Variants in PPP1R13B observed in about 807,000 individuals in gnomAD.
PPP1R13B encodes apoptosis-stimulating of p53 protein 1.
PPP1R13B carries 44 observed loss-of-function variants against 119.8 expected under a neutral mutation model. The observed-to-expected ratio is 0.37, with a 90% CI of 0.29 to 0.47. The LOEUF is 0.47. PPP1R13B is among the 20% of genes least tolerant of loss of function. The probability of loss-of-function intolerance (pLI) is 0.99; values close to 1 mark genes in which losing one functional copy is unlikely to be tolerated. For missense variants in PPP1R13B, 1,227 were observed against 1,413.5 expected, an observed-to-expected ratio of 0.87 and a Z score of 2.12; for synonymous variants, 542 against 561.5, an observed-to-expected ratio of 0.97 and a Z score of 0.49.
Position 103,739,856 on chromosome 14 carries a change from G to A in PPP1R13B, c.2560C>T (p.Pro854Ser). ...GTGGCAGGAGGGTGGCTGGCAGGGG[G>A]AAGAGGTGCTGGAGGGACCTGCTCT... ...GEEQVPPAPLPPASHPPATST... is the reference protein window; with the variant it reads ...GEEQVPPAPLSPASHPPATST... The change falls in exon 12 of 17, where the codon CCC (proline) becomes TCC (serine). Residue 854 changes from proline to serine, a missense_variant. Coordinates refer to ENST00000202556, the MANE Select transcript of PPP1R13B (RefSeq NM_015316.3). The A allele has an allele frequency of 6.2e-7, 1 of 1,611,980 alleles. No individual in the cohort carries two copies. The highest frequency in any genetic ancestry group is 8.5e-7 in the Non-Finnish European group (1 of 1,178,652).
chr14:103,768,777 G>A (rs1470564001), intron 4 of PPP1R13B, among the ~76,000 whole-genome samples: 1 of 152,078 alleles, frequency 6.6e-6, no homozygotes, highest in Non-Finnish European at 1.5e-5. Flanking sequence ...CACCATGCTG[G>A]CCAGGCTGGT....
At chr14:103,828,000 A>T (rs1156337592) in intron 1 of PPP1R13B, among the ~76,000 whole-genome samples, 1 of 152,138 alleles carries the variant, frequency 6.6e-6, no homozygotes, top group Non-Finnish European at 1.5e-5. Flanking sequence ...TCAATTCCAG[A>T]GGCAAATAAC....
At chr14:103,779,081 A>T (rs1263334359) in intron 3 of PPP1R13B, among the ~76,000 whole-genome samples, 1 of 152,134 alleles carries the variant, frequency 6.6e-6, no homozygotes, top group Non-Finnish European at 1.5e-5. Context: ...TGAGCCCATG[A>T]GTTCTAGACC....
intron 2 of PPP1R13B, among the ~76,000 whole-genome samples, chr14:103,788,774 G>C (rs1452735434): frequency 6.6e-6 from 1 of 152,020 alleles, no homozygotes; most frequent in Non-Finnish European, 1.5e-5. Context: ...ATGAGATATT[G>C]TAACTGAAAA....
chr14:103,828,329 A>T (rs2086596843), intron 1 of PPP1R13B, among the ~76,000 whole-genome samples: 1 of 146,654 alleles, frequency 6.8e-6, no homozygotes, highest in African/African-American at 2.5e-5. Flanking sequence ...AGATCACACC[A>T]CTGCTCTCCA....
chr14:103,797,303 C>T (rs2085782393), intron 2 of PPP1R13B, 68 bp downstream of exon 2: 2 of 1,454,670 alleles, frequency 1.4e-6, no homozygotes, highest in Admixed American at 4.7e-5. Flanking sequence ...AAATCCAGCA[C>T]AAGCTTAGCT....
At chr14:103,842,432 A>G (rs2086931269) in intron 1 of PPP1R13B, among the ~76,000 whole-genome samples, 1 of 150,794 alleles carries the variant, frequency 6.6e-6, no homozygotes, top group East Asian at 2.0e-4. Context: ...TCTCCTGAGT[A>G]GCTGGGACTA....
intron 2 of PPP1R13B, among the ~76,000 whole-genome samples, chr14:103,788,455 G>C (rs1340120537): frequency 6.6e-6 from 1 of 152,138 alleles, no homozygotes; most frequent in Non-Finnish European, 1.5e-5. Context: ...AAAGAACAAA[G>C]ATTGATACGG....
At chr14:103,805,534 G>C (rs528546704) in intron 1 of PPP1R13B, among the ~76,000 whole-genome samples, 10 of 151,980 alleles carry the variant, frequency 6.6e-5, no homozygotes, top group Admixed American at 5.9e-4. Flanking sequence ...TCATGCCACT[G>C]CACTCCAGCT....
At chr14:103,828,881 C>T (rs993872818) in intron 1 of PPP1R13B, among the ~76,000 whole-genome samples, 2 of 152,196 alleles carry the variant, frequency 1.3e-5, no homozygotes. Context: ...TGTTTCCAGC[C>T]ATGCGTCTTC....
At chr14:103,766,891 C>T (rs574759701) in intron 4 of PPP1R13B, among the ~76,000 whole-genome samples, 13 of 152,224 alleles carry the variant, frequency 8.5e-5, no homozygotes, top group Admixed American at 5.9e-4. Context: ...TCACATAGTT[C>T]GAACTAATGG....
At chr14:103,760,416 C>T (rs2084776719) in intron 4 of PPP1R13B, among the ~76,000 whole-genome samples, 1 of 152,204 alleles carries the variant, frequency 6.6e-6, no homozygotes, top group Admixed American at 6.5e-5. Flanking sequence ...TCAGGCAATT[C>T]AAGGTCCCTA....
At position 103,749,938 on chromosome 14, in the gene PPP1R13B, C is replaced by T; in HGVS notation, c.829-4G>A. The stretch of plus-strand genomic sequence containing the variant: ...CCTGGTTAAGTTGGTTACGAATCTA[C>T]AAACCACAAAATACAACCTTTATGA... On this transcript the variant is annotated splice_region_variant and splice_polypyrimidine_tract_variant and intron_variant, in intron 7 of 16. Coordinates refer to ENST00000202556, the MANE Select transcript of PPP1R13B (RefSeq NM_015316.3). 1.2e-6 allele frequency: 2 copies of T among 1,612,164 alleles called. No individual in the cohort carries two copies. Among genetic ancestry groups the T allele is most frequent in the Non-Finnish European group, 1.7e-6 (2 of 1,179,540 alleles).
intron 1 of PPP1R13B, among the ~76,000 whole-genome samples, chr14:103,825,993 C>T (rs1379309391): frequency 6.6e-6 from 1 of 151,944 alleles, no homozygotes; most frequent in Non-Finnish European, 1.5e-5. Context: ...TACAGGTGCC[C>T]ACCACCAGGC....
In PPP1R13B at chr14:103,754,278, T is replaced by C. The variant is rs753636023; in HGVS notation, c.457-34A>G. The C allele has an allele frequency of 1.1e-5, 17 of 1,592,140 alleles. No homozygotes were observed. In the South Asian group the frequency reaches 1.6e-4, roughly 15 times the overall value. ...AGAAAGAAAAATGTAACTTTGAAAA[T>C]TGAAGGCTGGGCGCGGTGGCTCACA... On this transcript the variant is annotated intron_variant, in intron 5 of 16. Transcript: ENST00000202556.
intron 1 of PPP1R13B, among the ~76,000 whole-genome samples, chr14:103,829,049 C>A (rs960150483): frequency 6.6e-6 from 1 of 151,868 alleles, no homozygotes; most frequent in African/African-American, 2.4e-5. Context: ...ATACTGACTG[C>A]AAAAAAAGAT....
chr14:103,818,355 T>C (rs1353901329), intron 1 of PPP1R13B: 1 of 425,030 alleles, frequency 2.4e-6, no homozygotes, highest in East Asian at 1.6e-4. Flanking sequence ...TTGAAGACAC[T>C]ACTGATTAAA....
chr14:103,775,748 T>C (rs1483199440), intron 4 of PPP1R13B, among the ~76,000 whole-genome samples: 1 of 152,140 alleles, frequency 6.6e-6, no homozygotes. Context: ...CTACCAGTGG[T>C]GTGTGTGCGT....
upstream of PPP1R13B, chr14:103,847,585 C>T: frequency 1.0e-6 from 1 of 986,780 alleles, no homozygotes; most frequent in Non-Finnish European, 1.2e-6. Context: ...TGCGGCCCGC[C>T]CGCCCGGCTC....
Sources: allele counts gnomAD v4.1 joint callset (sites outside exome capture counted in the v4.1 genomes callset), GRCh38; gene constraint gnomAD v4.1.1; transcripts MANE v1.5; gene names NCBI Gene and HGNC (gene_info 2026-07-23, HGNC 2026-07-21).